The following DYM variants were observed in gnomAD, a reference collection of about 807,000 sequenced individuals.
The protein encoded by DYM is dymeclin.
In DYM, 78 loss-of-function variants were observed where a neutral mutation model predicts 93.1. The ratio of observed to expected loss-of-function variants is 0.84; its 90% CI spans 0.70 to 1.01. DYM has a LOEUF of 1.01. Among genes scored for constraint, DYM ranks in the 50% least tolerant of loss-of-function variants. The pLI is 0.00. For synonymous variants in DYM, 321 were observed against 319.7 expected (o/e 1.00, Z -0.04); for missense variants, 789 against 845.0 (o/e 0.93, Z 0.82).
chr18:49,133,621 C>T (rs1329814617), intron 15 of DYM, among the ~76,000 whole-genome samples: 1 of 152,226 alleles, frequency 6.6e-6, no homozygotes, highest in African/African-American at 2.4e-5. Context: ...TCTGTGCCTG[C>T]ATTCCCCATC....
intron 15 of DYM, among the ~76,000 whole-genome samples, chr18:49,158,454 G>A (rs1169173193): frequency 6.6e-6 from 1 of 152,094 alleles, no homozygotes; most frequent in African/African-American, 2.4e-5. Flanking sequence ...CATGTGAAAG[G>A]AGCTGTTTTA....
chr18:49,344,763 T>C (rs986508341), intron 6 of DYM, among the ~76,000 whole-genome samples: 4 of 151,828 alleles, frequency 2.6e-5, no homozygotes, highest in African/African-American at 9.7e-5. Flanking sequence ...ATCCCAAATA[T>C]ATCAAAGGTT....
At chr18:49,427,602 T>C (rs1259494691) in intron 2 of DYM, among the ~76,000 whole-genome samples, 2 of 152,124 alleles carry the variant, frequency 1.3e-5, no homozygotes, top group Non-Finnish European at 2.9e-5. Context: ...AAAAAGACTT[T>C]ACGATACTTA....
At chr18:49,067,170 AC>A (rs2076470680) in intron 17 of DYM, among the ~76,000 whole-genome samples, 6 of 24,156 alleles carry the variant, frequency 2.5e-4, no homozygotes, top group African/African-American at 5.9e-4. Flanking sequence ...TGATGTGAGC[AC>A]TATGGAGGTT....
intron 3 of DYM, 136 bp from the exon 4 acceptor site, chr18:49,379,894 T>C: frequency 1.4e-6 from 1 of 696,326 alleles, no homozygotes; most frequent in South Asian, 1.7e-5. Flanking sequence ...TCATACCTAA[T>C]TAGAGAACTA....
At chr18:49,334,113 T>C (rs1057129423) in intron 6 of DYM, among the ~76,000 whole-genome samples, 3 of 152,242 alleles carry the variant, frequency 2.0e-5, no homozygotes, top group Admixed American at 2.0e-4. Context: ...ATGACAAGTC[T>C]ATTTATGTAT....
chr18:49,114,827 C>T (rs1014913656), intron 16 of DYM, among the ~76,000 whole-genome samples: 2 of 152,056 alleles, frequency 1.3e-5, no homozygotes, highest in African/African-American at 2.4e-5. Context: ...TTACTAAGAA[C>T]GTTCCTCATT....
intron 2 of DYM, among the ~76,000 whole-genome samples, chr18:49,407,507 G>A (rs1012361123): frequency 1.3e-5 from 2 of 152,198 alleles, no homozygotes; most frequent in African/African-American, 4.8e-5. Flanking sequence ...GAAGGTGAAG[G>A]AGGAGCCAGC....
At chr18:49,421,644 G>A (rs1379868458) in intron 2 of DYM, among the ~76,000 whole-genome samples, 2 of 152,224 alleles carry the variant, frequency 1.3e-5, no homozygotes, top group East Asian at 3.8e-4. Context: ...AAGCTGGACG[G>A]AGAATGACTT....
Position 49,363,196 on chromosome 18 carries a change from G to C in DYM, c.459C>G (p.Cys153Trp). 6.2e-7 allele frequency: 1 copy of C among 1,613,966 alleles called. No homozygotes were observed. Among genetic ancestry groups the C allele is most frequent in the African/African-American group, 1.3e-5 (1 of 75,024 alleles). The part of the protein sequence containing the change: ...DSEDLLEELL[C>W]CLMQLITDIP... The stretch of plus-strand genomic sequence containing the variant: ...TATCAGTGATCAACTGCATCAAACA[G>C]CACAGCAATTCTTCCAAAAGATCTT... Residue 153 changes from cysteine (C) to tryptophan (W), a missense_variant, in exon 6 of 18, where the codon TGC becomes TGG. Around this residue, in one of 3 missense-constraint regions of DYM, gnomAD observed 450 missense variants for 436.2 expected, o/e 1.03. Coordinates refer to ENST00000675505, the MANE Select transcript of DYM (RefSeq NM_001353214.3).
At chr18:49,357,598 A>G (rs1316407659) in intron 6 of DYM, among the ~76,000 whole-genome samples, 1 of 152,162 alleles carries the variant, frequency 6.6e-6, no homozygotes, top group East Asian at 1.9e-4. Context: ...TACTGTTTCC[A>G]TATAGACTAG....
intron 15 of DYM, among the ~76,000 whole-genome samples, chr18:49,157,692 ATCCT>A (rs2086621161): frequency 6.6e-6 from 1 of 152,206 alleles, no homozygotes; most frequent in Non-Finnish European, 1.5e-5. Flanking sequence ...ATTTGCAAAT[ATCCT>A]CTCCCATTCT....
chr18:49,258,483 T>G lies in DYM; in HGVS notation c.1262A>C (p.Asn421Thr). 1 of 1,594,624 alleles carries G rather than the reference T, an allele frequency of 6.3e-7. No individual in the cohort carries two copies. The highest frequency in any genetic ancestry group is 8.6e-7 in the Non-Finnish European group (1 of 1,162,480). ...AACTCGTTCTGAATACCAAGTAATA[T>G]TTTTTAGTATCTGTAATGGGGAAGA... ...NRSIHEVILK[N>T]ITWYSERVLT... Residue 421 changes from asparagine (N) to threonine (T), a missense_variant, in exon 12 of 18, where the codon AAT becomes ACT. Physicochemically the swap from Asn to Thr is moderately conservative, Grantham distance 65. Transcript: ENST00000675505.
At chr18:49,233,943 G>A (rs962517533) in intron 13 of DYM, among the ~76,000 whole-genome samples, 3 of 151,962 alleles carry the variant, frequency 2.0e-5, no homozygotes, top group African/African-American at 7.3e-5. Flanking sequence ...TGGCCAACAT[G>A]GTGAAATCCC....
chr18:49,388,967 C>T (rs1478668617), intron 3 of DYM, among the ~76,000 whole-genome samples: 1 of 149,416 alleles, frequency 6.7e-6, no homozygotes, highest in Non-Finnish European at 1.5e-5. Context: ...TAGACCAGCA[C>T]TTAAAAAAAT....
chr18:49,196,786 G>C (rs1329468771), intron 14 of DYM, among the ~76,000 whole-genome samples: 1 of 152,326 alleles, frequency 6.6e-6, no homozygotes, highest in East Asian at 1.9e-4. Context: ...GAAGATACAT[G>C]TAACTTAGAA....
chr18:49,324,485 G>T (rs1222582885), intron 8 of DYM, among the ~76,000 whole-genome samples: 1 of 152,172 alleles, frequency 6.6e-6, no homozygotes, highest in African/African-American at 2.4e-5. Flanking sequence ...TCTCTTGTGG[G>T]CAATATCTGT....
At chr18:49,438,838 T>A (rs1304915720) in intron 1 of DYM, among the ~76,000 whole-genome samples, 2 of 152,204 alleles carry the variant, frequency 1.3e-5, no homozygotes, top group African/African-American at 2.4e-5. Context: ...CCCAATGGCA[T>A]CTCTTCTGCA....
At position 49,331,825 on chromosome 18, in the gene DYM, A is replaced by T. The variant is rs112654192; in HGVS notation, c.763+39T>A. ...TCTTATGCCTAAATAGATAAAATTT[A>T]TGTGCACCAAAGAATTGAAAAAATC... On this transcript the variant is annotated intron_variant, in intron 8 of 17. Transcript: ENST00000675505. The T allele has an allele frequency of 3.9e-5, 63 of 1,608,328 alleles. No individual in the cohort carries two copies. The African/African-American group carries it at 6.0e-4, about 15-fold the overall frequency.
Sources: allele counts gnomAD v4.1 joint callset (sites outside exome capture counted in the v4.1 genomes callset), GRCh38; gene constraint gnomAD v4.1.1; regional missense constraint gnomAD v4.1.1; transcripts MANE v1.5; gene names NCBI Gene and HGNC (gene_info 2026-07-23, HGNC 2026-07-21).